NEDD4L: variants seen among roughly 807,000 people sequenced by gnomAD.
NEDD4L encodes the protein NEDD4 like E3 ubiquitin protein ligase.
In NEDD4L, 54 loss-of-function variants were observed where a neutral mutation model predicts 148.9. The observed-to-expected ratio is 0.36, with a 90% CI of 0.29 to 0.45. The LOEUF is 0.45. NEDD4L is among the 20% of genes least tolerant of loss of function. The pLI is 1.00. For missense variants in NEDD4L, 856 were observed against 1,233.8 expected (o/e 0.69, Z 4.59); for synonymous variants, 433 against 440.7 (o/e 0.98, Z 0.22).
chr18:58,383,285 A>G lies in NEDD4L; in HGVS notation c.2392A>G (p.Met798Val), dbSNP rs766319722. The G allele has an allele frequency of 6.5e-7, 1 of 1,542,914 alleles. No individual in the cohort carries two copies. Among genetic ancestry groups the G allele is most frequent in the South Asian group, 1.2e-5 (1 of 83,918 alleles). Residue 798 changes from methionine (M) to valine (V), a missense_variant, in exon 25 of 31, where the codon ATG (methionine) becomes GTG (valine). Met to Val is a conservative substitution (Grantham distance 21, BLOSUM62 1). Transcript: ENST00000400345. ...VDLKPNGSEI[M>V]VTNENKREYI... ...TTTGAAGCCCAATGGGTCAGAAATA[A>G]TGGTCACAAATGAAAACAAAAGGGA...
At chr18:58,082,581 G>A (rs1456978451) in intron 1 of NEDD4L, among the ~76,000 whole-genome samples, 7 of 150,416 alleles carry the variant, frequency 4.7e-5, no homozygotes, top group East Asian at 2.0e-4. Flanking sequence ...AGACCAGCCC[G>A]GCCAACATGG....
intron 1 of NEDD4L, among the ~76,000 whole-genome samples, chr18:58,047,908 A>G (rs2081661934): frequency 6.6e-6 from 1 of 152,244 alleles, no homozygotes. Context: ...GAAAGGTATC[A>G]TTTATTGAAA....
intron 1 of NEDD4L, among the ~76,000 whole-genome samples, chr18:58,144,851 C>T (rs994088973): frequency 6.6e-6 from 1 of 152,230 alleles, no homozygotes; most frequent in Non-Finnish European, 1.5e-5. Flanking sequence ...CCTGGTACAG[C>T]ATAACTGCTC....
Position 58,335,530 on chromosome 18 carries a change from A to C in NEDD4L, c.1118A>C (p.Glu373Ala). ...TCATCAACTGTCACGGGTGGTGAGG[A>C]ACCAACGGTAATGATCCACTTTATC... Reference protein sequence around the residue: ...ARSSTVTGGEEPTPSVAYVHT... With the variant: ...ARSSTVTGGEAPTPSVAYVHT... Residue 373 changes from glutamate to alanine, a missense_variant, in exon 13 of 31, where the codon GAA (glutamate) becomes GCA (alanine). Glu to Ala is a moderately radical substitution (Grantham distance 107, BLOSUM62 -1). Around this residue, in one of 4 missense-constraint regions of NEDD4L, gnomAD observed 367 missense variants for 422.7 expected, o/e 0.87. Coordinates refer to ENST00000400345, the MANE Select transcript of NEDD4L (RefSeq NM_001144967.3). 6.2e-7 allele frequency: 1 copy of C among 1,612,870 alleles called. No homozygotes were observed. Among genetic ancestry groups the C allele is most frequent in the East Asian group, 2.2e-5 (1 of 44,884 alleles).
intron 18 of NEDD4L, among the ~76,000 whole-genome samples, chr18:58,353,237 A>G (rs1192514459): frequency 6.6e-6 from 1 of 152,222 alleles, no homozygotes; most frequent in Non-Finnish European, 1.5e-5. Flanking sequence ...ACTCCTGATC[A>G]GTTCTGCAGT....
At position 58,144,053 on chromosome 18, in the gene NEDD4L, G is replaced by C. The variant is rs532917717; in HGVS notation, c.49-21735G>C. Among the ~76,000 whole-genome samples, 31 of 150,188 alleles carry C rather than the reference G, an allele frequency of 2.1e-4. 1 individual carries two copies. The highest frequency in any genetic ancestry group is 1.0e-4 in the Non-Finnish European group (7 of 67,768). ...TCTTGTTTTTGTTTTCTTTGGCCAAGACAGAAAACATTCTGCCACACACAT... is the reference window on the plus strand; with the variant it reads ...TCTTGTTTTTGTTTTCTTTGGCCAACACAGAAAACATTCTGCCACACACAT... On this transcript the variant is annotated intron_variant, in intron 1 of 30. Coordinates refer to ENST00000400345, the MANE Select transcript of NEDD4L (RefSeq NM_001144967.3).
intron 1 of NEDD4L, among the ~76,000 whole-genome samples, chr18:58,112,111 T>A (rs868111127): frequency 6.6e-6 from 1 of 152,104 alleles, no homozygotes; most frequent in Admixed American, 6.5e-5. Context: ...CATGTTTGGC[T>A]GTTTATGAGG....
chr18:58,355,111 C>T (rs1037079715), intron 18 of NEDD4L, among the ~76,000 whole-genome samples: 27 of 151,944 alleles, frequency 1.8e-4, no homozygotes, highest in African/African-American at 5.6e-4. Context: ...GGGATGGGGT[C>T]GAAATCGTTA....
intron 1 of NEDD4L, among the ~76,000 whole-genome samples, chr18:58,086,619 C>T (rs1167748535): frequency 1.3e-5 from 2 of 152,134 alleles, no homozygotes; most frequent in African/African-American, 4.8e-5. Flanking sequence ...ATGCCCGATA[C>T]ATTTTAAGTA....
At chr18:58,242,996 A>G (rs2046825751) in intron 2 of NEDD4L, among the ~76,000 whole-genome samples, 1 of 152,132 alleles carries the variant, frequency 6.6e-6, no homozygotes, top group Non-Finnish European at 1.5e-5. Flanking sequence ...CTTCTTTATT[A>G]CTGCTGGAAG....
At chr18:58,357,640 T>G (rs551577838) in intron 19 of NEDD4L, among the ~76,000 whole-genome samples, 45 of 152,318 alleles carry the variant, frequency 3.0e-4, no homozygotes, top group African/African-American at 1.1e-3. Context: ...GCCAAAAGTT[T>G]AAATCTTTTA....
chr18:58,077,017 A>AT (rs1317428051), intron 1 of NEDD4L, among the ~76,000 whole-genome samples: 8 of 151,412 alleles, frequency 5.3e-5, no homozygotes, highest in Admixed American at 4.6e-4. Flanking sequence ...TACCCGGCTA[A>AT]TTTTTTGTAT....
chr18:58,296,009 C>T (rs778803415), intron 5 of NEDD4L, among the ~76,000 whole-genome samples: 2 of 152,178 alleles, frequency 1.3e-5, no homozygotes, highest in Non-Finnish European at 2.9e-5. Flanking sequence ...TGTGGGCACA[C>T]ACCAAAAGGC....
At position 58,103,233 on chromosome 18, in the gene NEDD4L, A is replaced by G. The variant is rs372835104; in HGVS notation, c.48+58525A>G. ...TTAAATTACATATATTATATATATTACATATACATATTATATATGTGGATA... is the reference window on the plus strand; with the variant it reads ...TTAAATTACATATATTATATATATTGCATATACATATTATATATGTGGATA... On this transcript the variant is annotated intron_variant, in intron 1 of 30. Coordinates refer to ENST00000400345, the MANE Select transcript of NEDD4L (RefSeq NM_001144967.3). Among the ~76,000 whole-genome samples the G allele has an allele frequency of 3.7e-4, 54 of 146,290 alleles. No homozygotes were observed. In the East Asian group the frequency reaches 9.9e-3, roughly 27 times the overall value.
chr18:58,052,856 C>G (rs187917679), intron 1 of NEDD4L, among the ~76,000 whole-genome samples: 5 of 151,992 alleles, frequency 3.3e-5, no homozygotes, highest in African/African-American at 1.2e-4. Flanking sequence ...ATCCCAGCTA[C>G]TTGGGAGGCT....
chr18:58,277,790 A>G (rs2052363776), intron 5 of NEDD4L, among the ~76,000 whole-genome samples: 1 of 152,200 alleles, frequency 6.6e-6, no homozygotes, highest in Admixed American at 6.5e-5. Context: ...GATTCTGTTT[A>G]TGCTGTTTTT....
At chr18:58,390,555 T>C (rs2049673829) in intron 28 of NEDD4L, 91 bp from the exon 29 acceptor site, 1 of 787,016 alleles carries the variant, frequency 1.3e-6, no homozygotes, top group African/African-American at 1.7e-5. Flanking sequence ...CATTGCAATA[T>C]AAATAAGATT....
chr18:58,263,163 T>C (rs1334236251), intron 5 of NEDD4L, among the ~76,000 whole-genome samples: 1 of 152,218 alleles, frequency 6.6e-6, no homozygotes, highest in African/African-American at 2.4e-5. Context: ...TTCCCTTAAG[T>C]GCCTGCACAA....
rs920974478 is a variant in NEDD4L at position 58,397,998 on chromosome 18, G to A, written c.*1729G>A. The A allele has an allele frequency of 4.6e-5, 7 of 151,980 alleles. No homozygotes were observed. Among genetic ancestry groups the A allele is most frequent in the African/African-American group, 1.7e-4 (7 of 41,318 alleles). 9.4% of individuals were successfully genotyped at this position (151,980 alleles called of 1,614,324 possible). Reference sequence around the variant, plus strand: ...CCCTGCCCTGGCTGGCATGTGAGAAGCCATGGAAGGTTGTGGTTGTAAATG... The same window carrying A: ...CCCTGCCCTGGCTGGCATGTGAGAAACCATGGAAGGTTGTGGTTGTAAATG... On this transcript the variant is annotated 3_prime_UTR_variant, in exon 31 of 31. Transcript: ENST00000400345.
Sources: allele counts gnomAD v4.1 joint callset (sites outside exome capture counted in the v4.1 genomes callset), GRCh38; gene constraint gnomAD v4.1.1; regional missense constraint gnomAD v4.1.1; transcripts MANE v1.5; gene names NCBI Gene and HGNC (gene_info 2026-07-23, HGNC 2026-07-21).